The following EYS variants were observed in gnomAD, a reference collection of about 807,000 sequenced individuals.
EYS encodes protein eyes shut homolog.
EYS carries 250 observed loss-of-function variants against 282.1 expected under a neutral mutation model. The ratio of observed to expected loss-of-function variants is 0.89; its 90% CI spans 0.80 to 0.98. EYS has a LOEUF of 0.98. Ranked by LOEUF, EYS falls within the 50% of genes least tolerant of loss-of-function variation. The pLI is 0.00. For synonymous variants in EYS, 1,355 were observed against 1,282.9 expected, an observed-to-expected ratio of 1.06 and a Z score of -1.20; for missense variants, 4,016 against 3,709.0, an observed-to-expected ratio of 1.08 and a Z score of -2.15.
chr6:64,041,867 G>A (rs1770407155), intron 33 of EYS, among the ~76,000 whole-genome samples: 1 of 152,136 alleles, frequency 6.6e-6, no homozygotes, highest in African/African-American at 2.4e-5. Context: ...TATGTCAGCT[G>A]GAATCCAAAG....
intron 22 of EYS, among the ~76,000 whole-genome samples, chr6:64,687,993 T>G (rs1023540331): frequency 2.0e-5 from 3 of 152,204 alleles, no homozygotes; most frequent in Non-Finnish European, 2.9e-5. Context: ...TTCTTCTAGA[T>G]TTTCTAGTTT....
At chr6:64,157,703 G>A (rs1774976689) in intron 31 of EYS, among the ~76,000 whole-genome samples, 1 of 152,208 alleles carries the variant, frequency 6.6e-6, no homozygotes, top group South Asian at 2.1e-4. Flanking sequence ...GAGAGGTGTT[G>A]AGCCTGCGAA....
At chr6:63,959,197 G>A (rs1489587050) in intron 35 of EYS, among the ~76,000 whole-genome samples, 2 of 151,964 alleles carry the variant, frequency 1.3e-5, no homozygotes, top group Non-Finnish European at 2.9e-5. Context: ...TCAAAAAGTG[G>A]GCAAAGGATA....
chr6:65,413,463 A>T (rs895644844), intron 5 of EYS, among the ~76,000 whole-genome samples: 4 of 152,150 alleles, frequency 2.6e-5, no homozygotes, highest in Admixed American at 2.6e-4. Flanking sequence ...AGGATTTCTA[A>T]GAAGAGTACT....
chr6:65,266,989 T>TATGGAGAGAGAGAG (rs144200033), intron 12 of EYS, among the ~76,000 whole-genome samples: 6 of 142,072 alleles, frequency 4.2e-5, no homozygotes, highest in Admixed American at 1.4e-4. Context: ...TATATATATA[T>TATGGAGAGAGAGAG]AGAGAGAGAG....
chr6:64,015,384 C>G (rs1339806088), intron 33 of EYS, among the ~76,000 whole-genome samples: 1 of 152,008 alleles, frequency 6.6e-6, no homozygotes. Context: ...CTCATAGGCT[C>G]AAGACCACAG....
chr6:64,098,633 C>T (rs1772717677), intron 31 of EYS, among the ~76,000 whole-genome samples: 2 of 147,494 alleles, frequency 1.4e-5, no homozygotes, highest in African/African-American at 5.1e-5. Flanking sequence ...CGGAGTCTTG[C>T]TCTGTCGCCC....
chr6:64,922,908 T>C (rs575624225), intron 15 of EYS, among the ~76,000 whole-genome samples: 1 of 152,148 alleles, frequency 6.6e-6, no homozygotes, highest in Non-Finnish European at 1.5e-5. Context: ...TACTTTGAAT[T>C]CTTTATCCAG....
chr6:64,166,783 C>T (rs1245792848), intron 31 of EYS, among the ~76,000 whole-genome samples: 2 of 152,178 alleles, frequency 1.3e-5, no homozygotes, highest in African/African-American at 2.4e-5. Flanking sequence ...ATGGTGCTTA[C>T]AGTAACTGAT....
chr6:65,176,317 A>C (rs568843573), intron 12 of EYS, among the ~76,000 whole-genome samples: 1 of 151,732 alleles, frequency 6.6e-6, no homozygotes, highest in Admixed American at 6.6e-5. Context: ...CTAAATGTAT[A>C]CTTAAAACCA....
At chr6:65,276,093 A>T (rs1210453815) in intron 12 of EYS, among the ~76,000 whole-genome samples, 1 of 152,132 alleles carries the variant, frequency 6.6e-6, no homozygotes, top group Admixed American at 6.5e-5. Context: ...CATGTTTCCC[A>T]CTATTCTGAG....
At chr6:64,861,383 C>A (rs150927012) in intron 19 of EYS, among the ~76,000 whole-genome samples, 1 of 152,214 alleles carries the variant, frequency 6.6e-6, no homozygotes, top group East Asian at 1.9e-4. Flanking sequence ...AGCCAGGCAG[C>A]AGGAGCAGGC....
intron 19 of EYS, among the ~76,000 whole-genome samples, chr6:64,823,472 G>T (rs1346192821): frequency 6.6e-6 from 1 of 151,672 alleles, no homozygotes; most frequent in Admixed American, 6.6e-5. Context: ...TTAATGGAAA[G>T]CAAGATTGTG....
intron 14 of EYS, among the ~76,000 whole-genome samples, chr6:64,963,348 G>C (rs1160831716): frequency 6.6e-6 from 1 of 152,126 alleles, no homozygotes; most frequent in Non-Finnish European, 1.5e-5. Flanking sequence ...AGGATGTAGT[G>C]AGCCCTATAG....
Position 65,591,317 on chromosome 6 carries a change from G to C in EYS, c.-333+48461C>G, listed in dbSNP as rs115835301. On this transcript the variant is annotated intron_variant, in intron 2 of 42. Transcript: ENST00000503581. Reference sequence around the variant, plus strand: ...CATCTCAATCAATCCTCCCCCCTCAGCCTCCCAAGTAGCTACTTACTATAT... The same window carrying C: ...CATCTCAATCAATCCTCCCCCCTCACCCTCCCAAGTAGCTACTTACTATAT... Among the ~76,000 whole-genome samples, 1,376 of 148,036 alleles carry C rather than the reference G, an allele frequency of 9.3e-3. 11 individuals carry two copies. Among genetic ancestry groups the C allele is most frequent in the Middle Eastern group, 0.051 (15 of 294 alleles).
At chr6:65,455,569 A>T (rs1764570493) in intron 5 of EYS, among the ~76,000 whole-genome samples, 1 of 152,174 alleles carries the variant, frequency 6.6e-6, no homozygotes, top group Non-Finnish European at 1.5e-5. Context: ...AAAATGCATC[A>T]TTACAACTGA....
chr6:64,335,005 A>G (rs116752673), intron 29 of EYS, among the ~76,000 whole-genome samples: 4,724 of 152,156 alleles, frequency 0.031, 229 homozygotes, highest in African/African-American at 0.11. Context: ...CATAGAAGCA[A>G]TAGTAGACAG....
At chr6:63,996,011 G>C (rs143508287) in intron 34 of EYS, among the ~76,000 whole-genome samples, 33 of 143,738 alleles carry the variant, frequency 2.3e-4, no homozygotes, top group African/African-American at 7.1e-4. Flanking sequence ...TGCTGAATTT[G>C]ATCATTCCAC....
At position 65,177,778 on chromosome 6, in the gene EYS, T is replaced by C. The variant is rs146963232; in HGVS notation, c.2023+118085A>G. Among the ~76,000 whole-genome samples the C allele has an allele frequency of 1.8e-3, 280 of 151,986 alleles. 1 individual carries two copies. Among genetic ancestry groups the C allele is most frequent in the African/African-American group, 6.5e-3 (269 of 41,524 alleles). On this transcript the variant is annotated intron_variant, in intron 12 of 42. Coordinates refer to ENST00000503581, the MANE Select transcript of EYS (RefSeq NM_001142800.2). ...CTTTTTTTGTTAATGATATAATTAT[T>C]TGGAGTCATTTCCATGAAGAGTAAT...
Sources: allele counts gnomAD v4.1 joint callset (sites outside exome capture counted in the v4.1 genomes callset), GRCh38; gene constraint gnomAD v4.1.1; transcripts MANE v1.5; gene names NCBI Gene and HGNC (gene_info 2026-07-23, HGNC 2026-07-21).